The following MIPOL1 variants were observed in gnomAD, a reference collection of about 807,000 sequenced individuals.
The protein encoded by MIPOL1 is mirror-image polydactyly gene 1 protein.
A neutral mutation model predicts 60.9 loss-of-function variants in MIPOL1; 57 were observed. The observed-to-expected ratio is 0.94, with a 90% CI of 0.76 to 1.17. MIPOL1 has a LOEUF of 1.17. Among genes scored for constraint, MIPOL1 ranks in the 50% most tolerant of loss-of-function variants. The pLI is 0.00. For synonymous variants in MIPOL1, 179 were observed against 168.8 expected, an observed-to-expected ratio of 1.06 and a Z score of -0.47; for missense variants, 551 against 511.6, an observed-to-expected ratio of 1.08 and a Z score of -0.74.
At chr14:37,294,851 G>A (rs2085470798) in intron 7 of MIPOL1, among the ~76,000 whole-genome samples, 1 of 152,056 alleles carries the variant, frequency 6.6e-6, no homozygotes, top group Non-Finnish European at 1.5e-5. Context: ...AAGTGACGGG[G>A]AGAATGGAAT....
intron 1 of MIPOL1, among the ~76,000 whole-genome samples, chr14:37,232,110 A>G (rs866576207): frequency 6.6e-6 from 1 of 152,070 alleles, no homozygotes; most frequent in South Asian, 2.1e-4. Context: ...AAAATAAAAA[A>G]TATTTTATTA....
chr14:37,324,541 C>T (rs563828444), intron 9 of MIPOL1, among the ~76,000 whole-genome samples: 2 of 151,964 alleles, frequency 1.3e-5, no homozygotes, highest in South Asian at 2.1e-4. Context: ...TTCTTAATAC[C>T]ATCTTTTGAT....
rs1053286067 is a variant in MIPOL1, at chr14:37,539,561, G to A, written c.1263-7344G>A. Reference sequence around the variant, plus strand: ...TGTTTTTAAAAACACTAGACATGCCGAGAGAGTAACCAATAATGGTGAGCA... The same window carrying A: ...TGTTTTTAAAAACACTAGACATGCCAAGAGAGTAACCAATAATGGTGAGCA... On this transcript the variant is annotated intron_variant, in intron 12 of 12. Coordinates refer to ENST00000684589, the MANE Select transcript of MIPOL1 (RefSeq NM_001388067.1). Among the ~76,000 whole-genome samples the A allele has an allele frequency of 4.6e-5, 7 of 152,150 alleles. No homozygotes were observed. The South Asian group carries it at 8.3e-4, about 18-fold the overall frequency.
intron 5 of MIPOL1, among the ~76,000 whole-genome samples, chr14:37,269,273 G>T (rs1205920431): frequency 7.9e-5 from 12 of 151,800 alleles, no homozygotes; most frequent in Admixed American, 7.9e-4. Flanking sequence ...GCTGCATTTT[G>T]TCCAGTCCAA....
Position 37,450,950 on chromosome 14 carries a change from A to AG in MIPOL1, c.1031+28002dup, listed in dbSNP as rs567848605. Reference sequence around the variant, plus strand: ...TATGAATAAAAAAATATTTTTAAGAAGCCTTGTACCCTGATAACGTAAAAT... The same window carrying AG: ...TATGAATAAAAAAATATTTTTAAGAAGGCCTTGTACCCTGATAACGTAAAAT... On this transcript the variant is annotated intron_variant, in intron 11 of 12. Transcript: ENST00000684589. Among the ~76,000 whole-genome samples, 98 of 152,312 alleles carry AG rather than the reference A, an allele frequency of 6.4e-4. 1 individual carries two copies. Among genetic ancestry groups the AG allele is most frequent in the Admixed American group, 1.1e-3 (17 of 15,302 alleles).
intron 10 of MIPOL1, among the ~76,000 whole-genome samples, chr14:37,389,241 A>G (rs1277943843): frequency 6.6e-6 from 1 of 151,912 alleles, no homozygotes; most frequent in Non-Finnish European, 1.5e-5. Flanking sequence ...AAAAAAAAAC[A>G]AAAAACAGAT....
intron 1 of MIPOL1, among the ~76,000 whole-genome samples, chr14:37,244,778 A>G (rs1972925785): frequency 6.6e-6 from 1 of 152,144 alleles, no homozygotes; most frequent in African/African-American, 2.4e-5. Flanking sequence ...TTGACTGAAA[A>G]CAAATTCTTG....
chr14:37,455,131 A>T (rs2094463327), intron 11 of MIPOL1, among the ~76,000 whole-genome samples: 1 of 152,158 alleles, frequency 6.6e-6, no homozygotes, highest in African/African-American at 2.4e-5. Flanking sequence ...GGTAAACCCA[A>T]TTCAGAATGT....
chr14:37,322,003 CTAT>C (rs1266131692), intron 9 of MIPOL1, among the ~76,000 whole-genome samples: 8 of 151,828 alleles, frequency 5.3e-5, no homozygotes, highest in South Asian at 4.1e-4. Context: ...CACTTGGAAT[CTAT>C]TATTATATTT....
chr14:37,480,044 T>TAA (rs894154764), intron 11 of MIPOL1, among the ~76,000 whole-genome samples: 1 of 151,624 alleles, frequency 6.6e-6, no homozygotes, highest in African/African-American at 2.4e-5. Flanking sequence ...AAATCAGAAA[T>TAA]AAAAAAAATT....
At position 37,295,509 on chromosome 14, in the gene MIPOL1, C is replaced by A. The variant is rs150048597; in HGVS notation, c.623+10062C>A. Among the ~76,000 whole-genome samples, 326 of 152,232 alleles carry A rather than the reference C, an allele frequency of 2.1e-3. 2 individuals are homozygous for A. The highest frequency in any genetic ancestry group is 7.3e-3 in the African/African-American group (302 of 41,528). On this transcript the variant is annotated intron_variant, in intron 7 of 12. Transcript: ENST00000684589. The stretch of plus-strand genomic sequence containing the variant: ...GCTCCAATTAAAAGGCACAGACTGG[C>A]AAGTTGGATAAAGAGTCAAGACCCA...
intron 7 of MIPOL1, among the ~76,000 whole-genome samples, chr14:37,293,111 C>CT (rs1176811081): frequency 6.7e-6 from 1 of 148,892 alleles, no homozygotes; most frequent in African/African-American, 2.5e-5. Context: ...TGTACAGATT[C>CT]TTACGTAATA....
At chr14:37,360,430 A>T (rs1277075555) in intron 9 of MIPOL1, among the ~76,000 whole-genome samples, 1 of 152,006 alleles carries the variant, frequency 6.6e-6, no homozygotes, top group African/African-American at 2.4e-5. Context: ...TAGAATTCGG[A>T]TGTGATCCAT....
chr14:37,279,026 A>G (rs1258864525), intron 6 of MIPOL1, among the ~76,000 whole-genome samples: 3 of 151,612 alleles, frequency 2.0e-5, no homozygotes, highest in Admixed American at 6.6e-5. Context: ...CCGTGTTTAA[A>G]AATGGAGATA....
chr14:37,391,182 G>A (rs2093226454), intron 10 of MIPOL1, among the ~76,000 whole-genome samples: 1 of 152,040 alleles, frequency 6.6e-6, no homozygotes, highest in Non-Finnish European at 1.5e-5. Flanking sequence ...CTTTCAAAGT[G>A]GAATGTGACA....
At chr14:37,542,059 A>T (rs1358472438) in intron 12 of MIPOL1, among the ~76,000 whole-genome samples, 1 of 152,156 alleles carries the variant, frequency 6.6e-6, no homozygotes, top group Non-Finnish European at 1.5e-5. Flanking sequence ...TCACTTTTTC[A>T]CATTCCATTC....
intron 7 of MIPOL1, among the ~76,000 whole-genome samples, chr14:37,295,842 C>T (rs1176035690): frequency 1.3e-5 from 2 of 152,132 alleles, no homozygotes; most frequent in African/African-American, 2.4e-5. Context: ...TAGACCCCCA[C>T]ACAGTAATCA....
intron 10 of MIPOL1, among the ~76,000 whole-genome samples, chr14:37,418,603 T>TA (rs1427201016): frequency 6.6e-6 from 1 of 152,052 alleles, no homozygotes; most frequent in Non-Finnish European, 1.5e-5. Context: ...AAAAAGAAAA[T>TA]ATGTATTTTG....
At chr14:37,270,977 G>A (rs944814294) in intron 6 of MIPOL1, among the ~76,000 whole-genome samples, 1 of 151,954 alleles carries the variant, frequency 6.6e-6, no homozygotes, top group African/African-American at 2.4e-5. Flanking sequence ...AATCTGTTTT[G>A]TGCAATTAAT....
Sources: allele counts gnomAD v4.1 joint callset (sites outside exome capture counted in the v4.1 genomes callset), GRCh38; gene constraint gnomAD v4.1.1; transcripts MANE v1.5; gene names NCBI Gene and HGNC (gene_info 2026-07-23, HGNC 2026-07-21).